SLC2A9: variants seen among roughly 807,000 people sequenced by gnomAD.
The protein encoded by SLC2A9 is solute carrier family 2 member 9.
Under a neutral mutation model 50.6 loss-of-function variants are expected in SLC2A9, and 39 were observed. That is an observed-to-expected ratio of 0.77 (90% CI 0.60 to 1.01). The LOEUF is 1.01. Ranked by LOEUF, SLC2A9 falls within the 50% of genes least tolerant of loss-of-function variation. SLC2A9 has a pLI of 0.00. For synonymous variants in SLC2A9, 324 were observed against 276.9 expected (o/e 1.17, Z -1.69); for missense variants, 686 against 677.6 (o/e 1.01, Z -0.14).
At chr4:9,962,129 T>A (rs555627662) in intron 5 of SLC2A9, among the ~76,000 whole-genome samples, 15 of 152,300 alleles carry the variant, frequency 9.8e-5, no homozygotes, top group Non-Finnish European at 1.8e-4. Context: ...GGAGTGTAAA[T>A]TAGTTGAACC....
chr4:9,920,368 C>A lies in SLC2A9; in HGVS notation c.1002+17G>T. On this transcript the variant is annotated intron_variant, in intron 7 of 11. Transcript: ENST00000264784. The stretch of plus-strand genomic sequence containing the variant: ...CCTCCAGTCATGCAAGGATGCCCAC[C>A]GGGCCCCAGGACTCACTGCATTGAG... 6.2e-7 allele frequency: 1 copy of A among 1,613,548 alleles called. No individual in the cohort carries two copies. The highest frequency in any genetic ancestry group is 8.5e-7 in the Non-Finnish European group (1 of 1,179,774).
At chr4:9,775,210 C>T (rs1717389474), downstream of SLC2A9, among the ~76,000 whole-genome samples, 1 of 152,204 alleles carries the variant, frequency 6.6e-6, no homozygotes, top group Non-Finnish European at 1.5e-5. Flanking sequence ...AGAAAACCTC[C>T]ATGTGACCTC....
At chr4:10,018,157 G>A (rs987718282) in intron 2 of SLC2A9, among the ~76,000 whole-genome samples, 2 of 152,224 alleles carry the variant, frequency 1.3e-5, no homozygotes, top group African/African-American at 4.8e-5. Context: ...GGGCCTGGGA[G>A]AATTGCACCT....
intron 4 of SLC2A9, among the ~76,000 whole-genome samples, chr4:9,985,334 A>C (rs1012884597): frequency 6.6e-6 from 1 of 152,176 alleles, no homozygotes; most frequent in African/African-American, 2.4e-5. Context: ...CCATCCTCAT[A>C]AAAGCCCCAT....
intron 2 of SLC2A9, among the ~76,000 whole-genome samples, chr4:10,000,122 T>C (rs1215489599): frequency 3.9e-5 from 6 of 152,164 alleles, no homozygotes; most frequent in African/African-American, 9.7e-5. Context: ...TCTTTCTGGA[T>C]TCACAACTAT....
At chr4:9,893,616 C>A (rs539455638) in intron 8 of SLC2A9, among the ~76,000 whole-genome samples, 14 of 152,012 alleles carry the variant, frequency 9.2e-5, no homozygotes, top group African/African-American at 3.1e-4. Context: ...CACAGAGAAA[C>A]CTGCATTTAA....
intron 6 of SLC2A9, among the ~76,000 whole-genome samples, chr4:9,932,261 C>T (rs1204206104): frequency 6.6e-6 from 1 of 151,890 alleles, no homozygotes; most frequent in Non-Finnish European, 1.5e-5. Context: ...CAGCAGCGTG[C>T]TACAGACTGT....
rs570059380 is a variant in SLC2A9 at position 9,782,215 on chromosome 4, C to A, written n.386-2150G>T. On this transcript the variant is annotated intron_variant and non_coding_transcript_variant, in intron 3 of 3. Transcript: ENST00000503803. ...CCCTGCTGGGCAACGTGCTGGTGTG[C>A]GCAGCCATCGTGCGGAGCCGCCACC... 4.0e-4 allele frequency: 644 copies of A among 1,611,896 alleles called. 13 individuals carry two copies. In the South Asian group the frequency reaches 6.6e-3, roughly 16 times the overall value.
intron 1 of SLC2A9, among the ~76,000 whole-genome samples, chr4:10,028,043 C>T (rs902364941): frequency 5.9e-5 from 9 of 152,160 alleles, no homozygotes; most frequent in Admixed American, 5.2e-4. Flanking sequence ...GCTCACGAGC[C>T]TCCCATTAAA....
chr4:9,909,083 A>G (rs1250642817), intron 7 of SLC2A9, among the ~76,000 whole-genome samples: 1 of 152,210 alleles, frequency 6.6e-6, no homozygotes, highest in African/African-American at 2.4e-5. Flanking sequence ...AAAAATTGCC[A>G]TAGTAAATCC....
At chr4:9,849,357 G>A (rs1354735849) in intron 10 of SLC2A9, among the ~76,000 whole-genome samples, 1 of 152,198 alleles carries the variant, frequency 6.6e-6, no homozygotes, top group Non-Finnish European at 1.5e-5. Context: ...TTTGTGAAAA[G>A]AAGTTCGTGC....
chr4:9,821,050 T>C (rs4697690), intron 3 of SLC2A9, among the ~76,000 whole-genome samples: 117,938 of 152,154 alleles, frequency 0.78, 46,666 homozygotes, highest in Non-Finnish European at 0.86. Flanking sequence ...CTAAATATGA[T>C]GCTAGCTGTA....
chr4:9,915,865 C>T (rs1174474869), intron 7 of SLC2A9, among the ~76,000 whole-genome samples: 3 of 152,176 alleles, frequency 2.0e-5, no homozygotes, highest in Admixed American at 6.5e-5. Flanking sequence ...CTTTTCAAAA[C>T]CAAAGTTATT....
chr4:9,901,086 T>C (rs1415300720), intron 8 of SLC2A9, among the ~76,000 whole-genome samples: 1 of 152,238 alleles, frequency 6.6e-6, no homozygotes, highest in Non-Finnish European at 1.5e-5. Flanking sequence ...AAAAGCCATT[T>C]AGCCTGAGTT....
At chr4:9,804,250 G>A (rs922722485) in intron 3 of SLC2A9, among the ~76,000 whole-genome samples, 1 of 152,210 alleles carries the variant, frequency 6.6e-6, no homozygotes, top group Non-Finnish European at 1.5e-5. Context: ...TTGCTGAGTG[G>A]ACTCAGGAGC....
chr4:9,852,097 T>C (rs1730025016), intron 10 of SLC2A9, among the ~76,000 whole-genome samples: 1 of 152,156 alleles, frequency 6.6e-6, no homozygotes, highest in Non-Finnish European at 1.5e-5. Context: ...GTCCGTCAGA[T>C]TCTCCAAGGT....
intron 7 of SLC2A9, among the ~76,000 whole-genome samples, chr4:9,910,093 C>A (rs977561050): frequency 6.6e-6 from 1 of 152,166 alleles, no homozygotes; most frequent in East Asian, 1.9e-4. Flanking sequence ...ATGGGCATAC[C>A]AAGAGATGCC....
chr4:10,018,694 C>T (rs1763071586), intron 2 of SLC2A9, among the ~76,000 whole-genome samples: 1 of 152,200 alleles, frequency 6.6e-6, no homozygotes, highest in Non-Finnish European at 1.5e-5. Flanking sequence ...CCCCCCACCC[C>T]ACCCCGGGAC....
intron 5 of SLC2A9, among the ~76,000 whole-genome samples, chr4:9,962,988 G>T (rs1319457955): frequency 1.3e-5 from 2 of 152,198 alleles, no homozygotes; most frequent in African/African-American, 4.8e-5. Context: ...CCCCAAGGTG[G>T]ATGCCACCTT....
Sources: gnomAD v4.1 joint callset for allele counts (sites outside exome capture counted in the v4.1 genomes callset) on GRCh38, gnomAD v4.1.1 for gene constraint, MANE v1.5 for transcripts, NCBI Gene and HGNC (gene_info 2026-07-23, HGNC 2026-07-21) for gene names.